RRN3: variants seen among roughly 807,000 people sequenced by gnomAD.
The protein encoded by RRN3 is RNA polymerase I transcription factor RRN3, also known as RNA polymerase I-specific transcription initiation factor RRN3.
A neutral mutation model predicts 82.3 loss-of-function variants in RRN3; 38 were observed. That is an observed-to-expected ratio of 0.46 (90% CI 0.36 to 0.61). The LOEUF (loss-of-function observed/expected upper bound fraction) is 0.61, where lower values mean the gene tolerates loss of function less well. Among genes scored for constraint, RRN3 ranks in the 20% least tolerant of loss-of-function variants. The pLI is 0.00. For synonymous variants in RRN3, 284 were observed against 284.3 expected, an observed-to-expected ratio of 1.00 and a Z score of 0.01; for missense variants, 726 against 793.1, an observed-to-expected ratio of 0.92 and a Z score of 1.02.
intron 7 of RRN3, 148 bp downstream of exon 7, chr16:15,084,494 G>A: frequency 1.7e-6 from 1 of 578,828 alleles, no homozygotes. Context: ...GCCACTTTTT[G>A]TAGAATGTAA....
chr16:15,074,936 G>A, intron 10 of RRN3, 75 bp from the exon 11 acceptor site: 2 of 1,391,470 alleles, frequency 1.4e-6, no homozygotes, highest in Non-Finnish European at 2.0e-6. Context: ...ACTGTCATAA[G>A]TGATTATTTC....
intron 4 of RRN3, 31 bp downstream of exon 4, chr16:15,086,334 T>C: frequency 6.2e-7 from 1 of 1,612,516 alleles, no homozygotes; most frequent in South Asian, 1.1e-5. Flanking sequence ...CTGAATTACA[T>C]ACTTTACAGT....
At chr16:15,085,780 A>C in intron 5 of RRN3, 82 bp from the exon 6 acceptor site, 8 of 1,567,998 alleles carry the variant, frequency 5.1e-6, no homozygotes, top group Non-Finnish European at 7.0e-6. Context: ...ACTGACCTAG[A>C]CAATGAACAG....
At chr16:15,069,073 T>A (rs2045107990) in intron 14 of RRN3, among the ~76,000 whole-genome samples, 1 of 152,196 alleles carries the variant, frequency 6.6e-6, no homozygotes, top group South Asian at 2.1e-4. Context: ...TCATACAACA[T>A]CTTTTAGAAG....
intron 9 of RRN3, among the ~76,000 whole-genome samples, chr16:15,079,631 C>T (rs12919096): frequency 0.64 from 96,555 of 150,304 alleles, 32,763 homozygotes; most frequent in Non-Finnish European, 0.74. Flanking sequence ...CTCGCTCTGT[C>T]GCCCAGGCTG....
intron 15 of RRN3, among the ~76,000 whole-genome samples, chr16:15,066,562 G>A (rs572492727): frequency 7.2e-5 from 11 of 151,990 alleles, no homozygotes; most frequent in African/African-American, 2.4e-4. Context: ...GAGCCTCGGA[G>A]GTGGTGGTTG....
At chr16:15,089,540 C>T (rs1288170164) in intron 3 of RRN3, among the ~76,000 whole-genome samples, 1 of 151,566 alleles carries the variant, frequency 6.6e-6, no homozygotes, top group African/African-American at 2.4e-5. Context: ...GTTACTCACG[C>T]CTCTAATCCC....
At chr16:15,076,267 A>G (rs1041150682) in intron 10 of RRN3, among the ~76,000 whole-genome samples, 4 of 152,212 alleles carry the variant, frequency 2.6e-5, no homozygotes, top group Admixed American at 2.0e-4. Context: ...ATGCTTTTCT[A>G]TTAACCACGC....
chr16:15,074,871 C>G lies in RRN3; in HGVS notation c.859-10G>C, dbSNP rs754257272. The G allele has an allele frequency of 6.3e-6, 10 of 1,598,614 alleles. No homozygotes were observed. In the South Asian group the frequency reaches 6.8e-5, roughly 11 times the overall value. The stretch of plus-strand genomic sequence containing the variant: ...TTTCTTCATCTTCATCCTTTGAAGA[C>G]AAAAAGTAAATACTAACATTAAAAA... On this transcript the variant is annotated splice_polypyrimidine_tract_variant and intron_variant, in intron 10 of 17. Coordinates refer to ENST00000198767, the MANE Select transcript of RRN3 (RefSeq NM_018427.5).
intron 3 of RRN3, among the ~76,000 whole-genome samples, chr16:15,089,625 C>G (rs76120828): frequency 6.6e-6 from 1 of 150,516 alleles, no homozygotes; most frequent in African/African-American, 2.4e-5. Context: ...ATGGTGAAAC[C>G]CCACCTCTAC....
chr16:15,093,954 T>A (rs2046244102), intron 1 of RRN3, 191 bp downstream of exon 1: 1 of 614,692 alleles, frequency 1.6e-6, no homozygotes, highest in African/African-American at 1.9e-5. Flanking sequence ...ATAGTCACTT[T>A]TCCAGGCCCC....
intron 11 of RRN3, 57 bp from the exon 12 acceptor site, chr16:15,073,137 T>C: frequency 6.4e-7 from 1 of 1,569,028 alleles, no homozygotes; most frequent in Non-Finnish European, 8.7e-7. Flanking sequence ...AAGTTTCATC[T>C]GCCATATTTT....
At chr16:15,062,094 G>A (rs1042370723) in intron 17 of RRN3, among the ~76,000 whole-genome samples, 189 bp from the exon 18 acceptor site, 4 of 152,192 alleles carry the variant, frequency 2.6e-5, no homozygotes, top group African/African-American at 9.7e-5. Context: ...TGGGAGGACT[G>A]CTTGAGCTCA....
At chr16:15,087,988 C>T (rs2045975034) in intron 3 of RRN3, among the ~76,000 whole-genome samples, 1 of 152,050 alleles carries the variant, frequency 6.6e-6, no homozygotes, top group Non-Finnish European at 1.5e-5. Context: ...GTGGTGCATG[C>T]CCGTAATCCC....
intron 15 of RRN3, 24 bp from the exon 16 acceptor site, chr16:15,065,395 G>A (rs1567187309): frequency 6.2e-7 from 1 of 1,606,952 alleles, no homozygotes; most frequent in Non-Finnish European, 8.5e-7. Context: ...AAACAACACA[G>A]ACAGAGGCAT....
intron 5 of RRN3, 152 bp downstream of exon 5, chr16:15,085,977 T>C (rs568471191): frequency 4.0e-5 from 27 of 679,522 alleles, no homozygotes; most frequent in Non-Finnish European, 6.0e-5. Context: ...GACACCTCCA[T>C]AGGGGTCATT....
intron 14 of RRN3, among the ~76,000 whole-genome samples, chr16:15,068,496 C>T (rs2045076788): frequency 6.6e-6 from 1 of 152,302 alleles, no homozygotes; most frequent in Middle Eastern, 3.4e-3. Flanking sequence ...GGCAGCTTCT[C>T]TAAAGAAAAC....
At chr16:15,075,938 A>G (rs1344037877) in intron 10 of RRN3, among the ~76,000 whole-genome samples, 1 of 152,136 alleles carries the variant, frequency 6.6e-6, no homozygotes, top group East Asian at 1.9e-4. Context: ...CACTCTTTCC[A>G]GCCCCTCCCC....
At chr16:15,075,738 T>C (rs577303111) in intron 10 of RRN3, among the ~76,000 whole-genome samples, 3 of 152,264 alleles carry the variant, frequency 2.0e-5, no homozygotes, top group African/African-American at 7.2e-5. Context: ...GACCTATCCA[T>C]GCAAAAATCA....
Sources: allele counts gnomAD v4.1 joint callset (sites outside exome capture counted in the v4.1 genomes callset), GRCh38; gene constraint gnomAD v4.1.1; transcripts MANE v1.5; gene names NCBI Gene and HGNC (gene_info 2026-07-23, HGNC 2026-07-21).